THSD7A: variants seen among roughly 807,000 people sequenced by gnomAD.
THSD7A encodes the protein thrombospondin type 1 domain containing 7A.
A neutral mutation model predicts 231.3 loss-of-function variants in THSD7A; 96 were observed. The ratio of observed to expected loss-of-function variants is 0.41; its 90% CI spans 0.35 to 0.49. The LOEUF is 0.49. Among genes scored for constraint, THSD7A ranks in the 20% least tolerant of loss-of-function variants. The pLI, the probability that THSD7A is intolerant of heterozygous loss-of-function variation, is 0.05. For synonymous variants in THSD7A, 940 were observed against 743.3 expected (o/e 1.26, Z -4.30); for missense variants, 2,290 against 2,070.2 (o/e 1.11, Z -2.06).
chr7:11,420,968 G>A (rs1263467475), intron 16 of THSD7A, among the ~76,000 whole-genome samples: 1 of 152,144 alleles, frequency 6.6e-6, no homozygotes, highest in Non-Finnish European at 1.5e-5. Context: ...CTCCCATTTG[G>A]AATGGGAGAA....
intron 9 of THSD7A, 140 bp from the exon 10 acceptor site, chr7:11,462,283 T>A: frequency 1.3e-6 from 1 of 797,192 alleles, no homozygotes; most frequent in Non-Finnish European, 1.8e-6. Flanking sequence ...GTCTAAACAT[T>A]CACTAAATTC....
At chr7:11,440,397 A>G (rs1784766539) in intron 13 of THSD7A, among the ~76,000 whole-genome samples, 1 of 152,026 alleles carries the variant, frequency 6.6e-6, no homozygotes, top group African/African-American at 2.4e-5. Context: ...AAGTCTTATT[A>G]TTTAAGAAAT....
intron 6 of THSD7A, among the ~76,000 whole-genome samples, chr7:11,483,567 T>C (rs1337450371): frequency 6.6e-6 from 1 of 152,194 alleles, no homozygotes; most frequent in Non-Finnish European, 1.5e-5. Context: ...AGTAGATATA[T>C]AGGTACATAG....
At chr7:11,597,783 C>T (rs1176932728) in intron 2 of THSD7A, among the ~76,000 whole-genome samples, 2 of 152,152 alleles carry the variant, frequency 1.3e-5, no homozygotes, top group East Asian at 1.9e-4. Flanking sequence ...AGCAGCATTC[C>T]ATCATCAAAT....
chr7:11,564,404 G>A (rs10239990), intron 4 of THSD7A, among the ~76,000 whole-genome samples: 86,273 of 152,028 alleles, frequency 0.57, 24,771 homozygotes, highest in Middle Eastern at 0.67. Flanking sequence ...AATGCTGCGT[G>A]TCAGCAAGTT....
intron 8 of THSD7A, among the ~76,000 whole-genome samples, chr7:11,472,267 C>G (rs868293426): frequency 1.3e-5 from 2 of 152,028 alleles, no homozygotes; most frequent in Non-Finnish European, 2.9e-5. Flanking sequence ...AAATCTTATT[C>G]AAGGTCAAAT....
chr7:11,476,137 T>C (rs1043335944), intron 7 of THSD7A, among the ~76,000 whole-genome samples: 4 of 152,052 alleles, frequency 2.6e-5, no homozygotes, highest in African/African-American at 9.7e-5. Flanking sequence ...AATTCAACTA[T>C]TTATATTAAA....
intron 1 of THSD7A, among the ~76,000 whole-genome samples, chr7:11,715,825 G>C (rs893452367): frequency 6.6e-6 from 1 of 151,556 alleles, no homozygotes; most frequent in East Asian, 2.0e-4. Context: ...ATGAAAAACA[G>C]TAAATGATGG....
intron 1 of THSD7A, among the ~76,000 whole-genome samples, chr7:11,827,555 G>A (rs973578914): frequency 1.2e-4 from 18 of 152,068 alleles, no homozygotes; most frequent in African/African-American, 4.3e-4. Context: ...TTCTTAGACT[G>A]TTTCTCTAGG....
intron 1 of THSD7A, among the ~76,000 whole-genome samples, chr7:11,735,563 T>TGTAC (rs61614608): frequency 6.6e-6 from 1 of 151,644 alleles, no homozygotes; most frequent in Non-Finnish European, 1.5e-5. Flanking sequence ...ATTATGTATA[T>TGTAC]GTATTTCAAA....
intron 4 of THSD7A, among the ~76,000 whole-genome samples, chr7:11,550,448 A>G (rs138456415): frequency 5.3e-5 from 8 of 152,160 alleles, no homozygotes; most frequent in African/African-American, 1.9e-4. Context: ...CAAGGGAGGG[A>G]CCTGGCAGGA....
chr7:11,719,747 G>A (rs34980136), intron 1 of THSD7A, among the ~76,000 whole-genome samples: 20,148 of 151,542 alleles, frequency 0.13, 1,520 homozygotes, highest in Admixed American at 0.18. Context: ...AATCTCACTC[G>A]GTGATTTCCA....
At chr7:11,500,369 A>T (rs111962684) in intron 6 of THSD7A, among the ~76,000 whole-genome samples, 11,296 of 152,162 alleles carry the variant, frequency 0.074, 467 homozygotes, top group Admixed American at 0.098. Context: ...ACACACTTAA[A>T]CACACAGACC....
intron 1 of THSD7A, among the ~76,000 whole-genome samples, chr7:11,639,305 A>G (rs1171747355): frequency 6.6e-6 from 1 of 152,176 alleles, no homozygotes; most frequent in African/African-American, 2.4e-5. Context: ...ATGATTTTTT[A>G]TAGCAAACTT....
chr7:11,636,616 G>C lies in THSD7A; in HGVS notation c.536C>G (p.Pro179Arg), dbSNP rs776165762. The C allele has an allele frequency of 3.1e-6, 5 of 1,613,822 alleles. No homozygotes were observed. The Admixed American group carries it at 8.3e-5, about 27-fold the overall frequency. ...GCAAGCCTGCTCCAGGAGAGGCTTG[G>C]GCTCAAAGTACTCACAGATGATATC... ...AEDIICEYFE[P>R]KPLLEQACLI... The change falls in exon 2 of 28, where the codon CCC (proline) becomes CGC (arginine). Residue 179 changes from proline to arginine, a missense_variant. Pro to Arg is a moderately radical substitution (Grantham distance 103). Coordinates refer to ENST00000423059, the MANE Select transcript of THSD7A (RefSeq NM_015204.3). The surrounding 1 kb of genome is among the most constrained non-coding windows in gnomAD (Gnocchi z 10.0).
chr7:11,826,812 CAAAAAAA>C (rs3037773), intron 1 of THSD7A, among the ~76,000 whole-genome samples: 2 of 120,784 alleles, frequency 1.7e-5, no homozygotes. Flanking sequence ...GCCTCTGTCT[CAAAAAAA>C]AAAAAAAAAA....
At chr7:11,781,189 T>G (rs961848186) in intron 1 of THSD7A, among the ~76,000 whole-genome samples, 7 of 151,708 alleles carry the variant, frequency 4.6e-5, no homozygotes, top group East Asian at 1.9e-4. Flanking sequence ...GCCTGTAATC[T>G]CAACACTTTG....
intron 18 of THSD7A, among the ~76,000 whole-genome samples, chr7:11,412,371 C>A (rs752953504): frequency 9.2e-5 from 14 of 152,136 alleles, no homozygotes; most frequent in Non-Finnish European, 1.6e-4. Context: ...TTTAGATTCA[C>A]CTTCCCGAAG....
At chr7:11,625,194 T>C (rs1489163953) in intron 2 of THSD7A, among the ~76,000 whole-genome samples, 3 of 152,142 alleles carry the variant, frequency 2.0e-5, no homozygotes, top group Non-Finnish European at 2.9e-5. Flanking sequence ...TGATCTGTTA[T>C]ATGTAGTCTT....
Sources: allele counts gnomAD v4.1 joint callset (sites outside exome capture counted in the v4.1 genomes callset), GRCh38; gene constraint gnomAD v4.1.1; non-coding constraint Gnocchi (gnomAD v3.1); transcripts MANE v1.5; gene names NCBI Gene and HGNC (gene_info 2026-07-23, HGNC 2026-07-21).